Variants in NBEA observed in about 807,000 individuals in gnomAD.
NBEA encodes the protein lysosomal-trafficking regulator 2.
In NBEA, 44 loss-of-function variants were observed where a neutral mutation model predicts 343.4. That is an observed-to-expected ratio of 0.13 (90% confidence interval 0.10 to 0.16). The LOEUF (loss-of-function observed/expected upper bound fraction) is 0.16. NBEA is among the 10% of genes least tolerant of loss of function. The pLI is 1.00. For synonymous variants in NBEA, 1,175 were observed against 1,238.7 expected (o/e 0.95, Z 1.08); for missense variants, 2,555 against 3,631.3 (o/e 0.70, Z 7.62).
rs561586344 is a variant in NBEA at position 35,310,295 on chromosome 13, G to A, written c.5903+703G>A. On this transcript the variant is annotated intron_variant, in intron 36 of 58. Coordinates refer to ENST00000379939, the MANE Select transcript of NBEA (RefSeq NM_001385012.1). ...CCTGAACAAAATTTCTGTTATTTGGGCAAATTCTTAAACCATGGTTTAAAC... is the reference window on the plus strand; with the variant it reads ...CCTGAACAAAATTTCTGTTATTTGGACAAATTCTTAAACCATGGTTTAAAC... Among the ~76,000 whole-genome samples the A allele has an allele frequency of 2.8e-3, 428 of 152,086 alleles. 2 individuals are homozygous for A. The highest frequency in any genetic ancestry group is 9.7e-3 in the African/African-American group (402 of 41,500).
intron 38 of NBEA, among the ~76,000 whole-genome samples, chr13:35,382,351 T>C (rs1461758669): frequency 6.6e-6 from 1 of 152,294 alleles, no homozygotes; most frequent in East Asian, 1.9e-4. Context: ...GTTGTTTTAG[T>C]TATCTTAATA....
At chr13:35,533,228 A>G (rs992828534) in intron 41 of NBEA, among the ~76,000 whole-genome samples, 3 of 152,168 alleles carry the variant, frequency 2.0e-5, no homozygotes, top group South Asian at 2.1e-4. Flanking sequence ...TTCTCCAACA[A>G]TGAATCAATT....
intron 14 of NBEA, 142 bp from the exon 15 acceptor site, chr13:35,118,086 G>C: frequency 2.0e-6 from 1 of 494,906 alleles, no homozygotes; most frequent in East Asian, 3.4e-5. Context: ...TCTATAAATT[G>C]TGAAATGTGT....
At chr13:35,462,259 A>G (rs2046949278) in intron 40 of NBEA, among the ~76,000 whole-genome samples, 1 of 152,238 alleles carries the variant, frequency 6.6e-6, no homozygotes, top group Non-Finnish European at 1.5e-5. Context: ...GAGAAGAGAT[A>G]ATGAAAAAAA....
At position 35,159,008 on chromosome 13, in the gene NBEA, T is replaced by C; in HGVS notation, c.2845-8T>C. ...AATGCCTTAATGTTTTCTTTACTTA[T>C]TCCTAAGGTCACTTATGAAGCTCAT... On this transcript the variant is annotated splice_region_variant and splice_polypyrimidine_tract_variant and intron_variant, in intron 21 of 58. Transcript: ENST00000379939. 1.9e-6 allele frequency: 3 copies of C among 1,564,502 alleles called. No homozygotes were observed. Among genetic ancestry groups the C allele is most frequent in the Admixed American group, 2.0e-5 (1 of 49,542 alleles).
intron 40 of NBEA, among the ~76,000 whole-genome samples, chr13:35,470,730 TGGG>T (rs971150810): frequency 6.6e-6 from 1 of 152,058 alleles, no homozygotes; most frequent in Non-Finnish European, 1.5e-5. Flanking sequence ...GCCCGAGCGT[TGGG>T]GGATTCGGAG....
rs754857379 is a variant in NBEA at position 35,563,874 on chromosome 13, TTA to T, written c.6923-3029_6923-3028del. Among the ~76,000 whole-genome samples the T allele has an allele frequency of 4.1e-3, 95 of 23,290 alleles. No individual in the cohort carries two copies. The East Asian group carries it at 0.17, about 41-fold the overall frequency. The allele number at this position is 23,290 out of a possible 152,430, so 15.3% of individuals were successfully genotyped here. A position where few individuals can be genotyped will look rare whatever the true frequency, so the allele number is the denominator to read the frequency against. On this transcript the variant is annotated intron_variant, in intron 44 of 58. Transcript: ENST00000379939. ...TTTGTATTTTTTTCCTAAAATAGCA[TTA>T]TTTTTTTTTTAACTTTTATTTTAGG...
intron 31 of NBEA, among the ~76,000 whole-genome samples, chr13:35,198,563 C>T (rs1052775512): frequency 2.0e-5 from 3 of 152,038 alleles, no homozygotes; most frequent in African/African-American, 7.2e-5. Flanking sequence ...AAGAAAAATA[C>T]AGCTTTTTAT....
At chr13:35,054,420 T>G (rs2063172405) in intron 6 of NBEA, among the ~76,000 whole-genome samples, 1 of 152,060 alleles carries the variant, frequency 6.6e-6, no homozygotes, top group Admixed American at 6.6e-5. Context: ...CTCTTCTGAT[T>G]TTAATCAGGG....
chr13:35,325,006 GT>G (rs1157344601), intron 36 of NBEA, among the ~76,000 whole-genome samples: 1 of 152,048 alleles, frequency 6.6e-6, no homozygotes, highest in African/African-American at 2.4e-5. Flanking sequence ...GATAAAATCT[GT>G]CTTTGAAGTT....
At chr13:35,213,061 G>T (rs916975148) in intron 33 of NBEA, among the ~76,000 whole-genome samples, 1 of 151,884 alleles carries the variant, frequency 6.6e-6, no homozygotes, top group Non-Finnish European at 1.5e-5. Flanking sequence ...TGCTTTTGGT[G>T]TTGTAAATGC....
At chr13:35,363,716 C>G (rs1299431552) in intron 38 of NBEA, among the ~76,000 whole-genome samples, 1 of 151,940 alleles carries the variant, frequency 6.6e-6, no homozygotes, top group Non-Finnish European at 1.5e-5. Flanking sequence ...CCTAAAACAT[C>G]TATCCGATTC....
At chr13:35,357,369 T>G (rs553970021) in intron 38 of NBEA, among the ~76,000 whole-genome samples, 2 of 151,046 alleles carry the variant, frequency 1.3e-5, no homozygotes, top group South Asian at 2.1e-4. Flanking sequence ...CGTGTGGGGG[T>G]TTGTTATATA....
chr13:35,413,669 T>C lies in NBEA; in HGVS notation c.6180-18600T>C, dbSNP rs188514525. Among the ~76,000 whole-genome samples, 89 of 152,276 alleles carry C rather than the reference T, an allele frequency of 5.8e-4. 1 individual carries two copies. Among genetic ancestry groups the C allele is most frequent in the Non-Finnish European group, 1.9e-4 (13 of 68,010 alleles). ...CAGCTAATGAACATCATTATATCAA[T>C]AGTAATATTAATTATCATAATACAA... is the stretch of plus-strand genomic sequence containing the variant. On this transcript the variant is annotated intron_variant, in intron 38 of 58. Coordinates refer to ENST00000379939, the MANE Select transcript of NBEA (RefSeq NM_001385012.1).
intron 8 of NBEA, among the ~76,000 whole-genome samples, chr13:35,062,969 A>G (rs1016680016): frequency 1.1e-4 from 16 of 152,046 alleles, no homozygotes; most frequent in South Asian, 2.1e-4. Context: ...CTACAATTCA[A>G]TGGCTAAAAC....
chr13:35,590,288 AT>A (rs558995026), intron 46 of NBEA, among the ~76,000 whole-genome samples: 103 of 152,202 alleles, frequency 6.8e-4, no homozygotes, highest in Non-Finnish European at 1.4e-3. Context: ...TAGGTTATCA[AT>A]TTCTATTAGT....
rs1351666399 is a variant in NBEA, at chr13:35,649,720, G to A, written c.7836G>A (p.Leu2612=). Residue 2612 remains leucine, a synonymous_variant, in exon 52 of 59, where the codon CTG becomes CTA. Transcript: ENST00000379939. ...TGCAACAGGATGTGATAATGGTGCT[G>A]AAGTTTCCTTCAAATTCTCCAGTAA... The part of the protein sequence containing the change: ...DQMQQDVIMV[L]KFPSNSPVTH... The A allele has an allele frequency of 6.2e-7, 1 of 1,613,962 alleles. No individual in the cohort carries two copies. Among genetic ancestry groups the A allele is most frequent in the Non-Finnish European group, 8.5e-7 (1 of 1,179,864 alleles).
intron 11 of NBEA, among the ~76,000 whole-genome samples, chr13:35,104,355 TC>T (rs1425683051): frequency 2.0e-5 from 3 of 151,980 alleles, no homozygotes; most frequent in African/African-American, 7.2e-5. Context: ...TTACTAATTT[TC>T]TGCCTCCTTC....
At chr13:35,491,126 G>T (rs2152973754) in intron 41 of NBEA, among the ~76,000 whole-genome samples, 1 of 151,994 alleles carries the variant, frequency 6.6e-6, no homozygotes, top group Middle Eastern at 3.4e-3. Context: ...TCTATCTCCA[G>T]ACTTCTGAGT....
Sources: gnomAD v4.1 joint callset for allele counts (sites outside exome capture counted in the v4.1 genomes callset) on GRCh38, gnomAD v4.1.1 for gene constraint, MANE v1.5 for transcripts, NCBI Gene and HGNC (gene_info 2026-07-23, HGNC 2026-07-21) for gene names.